The following FLRT2 variants were observed in gnomAD, a reference collection of about 807,000 sequenced individuals.
FLRT2 encodes fibronectin leucine rich transmembrane protein 2.
A neutral mutation model predicts 40.0 loss-of-function variants in FLRT2; 15 were observed. That is an observed-to-expected ratio of 0.38 (90% CI 0.25 to 0.58). The LOEUF is 0.58. FLRT2 is among the 20% of genes least tolerant of loss of function. The probability of loss-of-function intolerance (pLI) is 0.71; values close to 1 mark genes in which losing one functional copy is unlikely to be tolerated. For missense variants in FLRT2, 726 were observed against 840.0 expected (o/e 0.86, Z 1.68); for synonymous variants, 380 against 336.8 (o/e 1.13, Z -1.41).
intron 1 of FLRT2, among the ~76,000 whole-genome samples, chr14:85,581,512 C>T (rs892652416): frequency 6.6e-6 from 1 of 152,188 alleles, no homozygotes; most frequent in Admixed American, 6.5e-5. Context: ...TTCCCTTCCC[C>T]TAGGTTCACA....
At chr14:85,605,063 G>C (rs2139340101) in intron 1 of FLRT2, among the ~76,000 whole-genome samples, 1 of 152,272 alleles carries the variant, frequency 6.6e-6, no homozygotes, top group South Asian at 2.1e-4. Flanking sequence ...AAGTGCCTGG[G>C]TATGGAAGAC....
chr14:85,617,844 A>G (rs548288352), intron 1 of FLRT2, among the ~76,000 whole-genome samples: 1 of 152,320 alleles, frequency 6.6e-6, no homozygotes, highest in East Asian at 1.9e-4. Context: ...GTCATAGCCG[A>G]TCAACACATT....
At chr14:85,578,758 T>G (rs11845459) in intron 1 of FLRT2, among the ~76,000 whole-genome samples, 2,400 of 152,230 alleles carry the variant, frequency 0.016, 56 homozygotes, top group African/African-American at 0.046. Flanking sequence ...TTGCTTCAAA[T>G]TGAATAAATG....
intron 1 of FLRT2, among the ~76,000 whole-genome samples, chr14:85,601,600 C>A (rs373662606): frequency 6.6e-6 from 1 of 152,130 alleles, no homozygotes; most frequent in Non-Finnish European, 1.5e-5. Context: ...GGGTTTGAAC[C>A]CCATCTTTGC....
chr14:85,555,438 G>A (rs1889887387), intron 1 of FLRT2, among the ~76,000 whole-genome samples: 2 of 152,142 alleles, frequency 1.3e-5, no homozygotes, highest in Non-Finnish European at 2.9e-5. Context: ...ATCCTACATG[G>A]CAGCAGACAA....
intron 1 of FLRT2, among the ~76,000 whole-genome samples, chr14:85,546,302 T>C (rs1331995618): frequency 6.6e-6 from 1 of 152,202 alleles, no homozygotes. Flanking sequence ...ATCCATTCCT[T>C]AATTCCTTCA....
At chr14:85,533,694 G>A (rs1888447862) in intron 1 of FLRT2, among the ~76,000 whole-genome samples, 1 of 152,056 alleles carries the variant, frequency 6.6e-6, no homozygotes, top group South Asian at 2.1e-4. Context: ...TGGAGGCGGT[G>A]GTGGCGGAGG....
intron 1 of FLRT2, among the ~76,000 whole-genome samples, chr14:85,579,643 G>T (rs1891297997): frequency 6.6e-6 from 1 of 152,096 alleles, no homozygotes; most frequent in South Asian, 2.1e-4. Context: ...CTTAGCCCAT[G>T]GGGTTGTTTT....
intron 1 of FLRT2, among the ~76,000 whole-genome samples, chr14:85,578,986 C>G (rs1337566012): frequency 1.3e-5 from 2 of 152,208 alleles, no homozygotes; most frequent in African/African-American, 2.4e-5. Flanking sequence ...CTGATCCACC[C>G]CAGCACCCCT....
In FLRT2 at chr14:85,537,837, C is replaced by A. The variant is rs185143890; in HGVS notation, c.-377+7303C>A. On this transcript the variant is annotated intron_variant, in intron 1 of 1. Transcript: ENST00000330753. The stretch of plus-strand genomic sequence containing the variant: ...CATGGTCAAAATCTGTTAGAACCTT[C>A]ATGTTTTGTTTTTTTTTTTTCTTCC... Among the ~76,000 whole-genome samples, 217 of 90,594 alleles carry A rather than the reference C, an allele frequency of 2.4e-3. 1 individual carries two copies. The highest frequency in any genetic ancestry group is 3.2e-3 in the Non-Finnish European group (139 of 43,534). 59.4% of individuals were successfully genotyped at this position (90,594 alleles called of 152,430 possible). A position where few individuals can be genotyped will look rare whatever the true frequency, so the allele number is the denominator to read the frequency against.
At chr14:85,583,801 C>T (rs1856938800) in intron 1 of FLRT2, among the ~76,000 whole-genome samples, 1 of 152,080 alleles carries the variant, frequency 6.6e-6, no homozygotes, top group African/African-American at 2.4e-5. Context: ...TTAAACTAAT[C>T]AGAATCTGAA....
chr14:85,578,456 T>C (rs1215805925), intron 1 of FLRT2, among the ~76,000 whole-genome samples: 1 of 151,880 alleles, frequency 6.6e-6, no homozygotes, highest in Non-Finnish European at 1.5e-5. Context: ...TGAATACTAA[T>C]GGCAGCAATA....
chr14:85,650,884 T>C lies in FLRT2; in HGVS notation c.*27387T>C, dbSNP rs1894415795. On this transcript the variant is annotated 3_prime_UTR_variant, in exon 2 of 2. Coordinates refer to ENST00000330753, the MANE Select transcript of FLRT2 (RefSeq NM_013231.6). ...TTTTAAGAGACAAGGTCTTACCCTG[T>C]CATCCAGGCTAGGATGCAGTAGCAC... is the stretch of plus-strand genomic sequence containing the variant. 1 of 152,068 alleles carries C rather than the reference T, an allele frequency of 6.6e-6. No individual in the cohort carries two copies. Among genetic ancestry groups the C allele is most frequent in the Non-Finnish European group, 1.5e-5 (1 of 68,022 alleles). The allele number at this position is 152,068 out of a possible 1,614,324, so 9.4% of individuals were successfully genotyped here.
rs371569107 is a variant in FLRT2, at chr14:85,561,657, A to G, written c.-377+31123A>G. On this transcript the variant is annotated intron_variant, in intron 1 of 1. Transcript: ENST00000330753. ...GAAATTCTCCCTCCGTTATTACAGC[A>G]AATGATACTGTTGACAGCCAATAAA... is the stretch of plus-strand genomic sequence containing the variant. 7.9e-5 allele frequency among the ~76,000 whole-genome samples: 12 copies of G among 152,366 alleles called. No individual in the cohort carries two copies. The South Asian group carries it at 1.2e-3, about 16-fold the overall frequency.
rs972740851 is a variant in FLRT2, at chr14:85,630,031, G to T, written c.*6534G>T. The T allele has an allele frequency of 6.6e-6, 1 of 152,106 alleles. No homozygotes were observed. The highest frequency in any genetic ancestry group is 2.4e-5 in the African/African-American group (1 of 41,430). 9.4% of individuals were successfully genotyped at this position (152,106 alleles called of 1,614,324 possible). ...GAATTTGTTTCGTACTTGAGATGTTGCTCTAAGTATTTTGTAGATTCCGCT... is the reference window on the plus strand; with the variant it reads ...GAATTTGTTTCGTACTTGAGATGTTTCTCTAAGTATTTTGTAGATTCCGCT... On this transcript the variant is annotated 3_prime_UTR_variant, in exon 2 of 2. Coordinates refer to ENST00000330753, the MANE Select transcript of FLRT2 (RefSeq NM_013231.6).
At chr14:85,581,046 T>C (rs965265966) in intron 1 of FLRT2, among the ~76,000 whole-genome samples, 2 of 152,218 alleles carry the variant, frequency 1.3e-5, no homozygotes, top group Non-Finnish European at 2.9e-5. Context: ...TTCTTTATCT[T>C]GCAACAGGCA....
intron 1 of FLRT2, among the ~76,000 whole-genome samples, chr14:85,555,965 T>G (rs980970292): frequency 6.6e-6 from 1 of 152,128 alleles, no homozygotes; most frequent in Non-Finnish European, 1.5e-5. Flanking sequence ...AAATAAGCAT[T>G]AAGACGTATA....
intron 1 of FLRT2, among the ~76,000 whole-genome samples, chr14:85,545,407 T>C (rs1284234541): frequency 6.6e-6 from 1 of 152,206 alleles, no homozygotes; most frequent in Non-Finnish European, 1.5e-5. Context: ...TTTAGAGTTA[T>C]TATTAATTGT....
chr14:85,541,508 T>C (rs1338940966), intron 1 of FLRT2, among the ~76,000 whole-genome samples: 1 of 152,198 alleles, frequency 6.6e-6, no homozygotes, highest in Non-Finnish European at 1.5e-5. Flanking sequence ...TGGACAGTCT[T>C]ACTCTTTGTC....
Sources: allele counts gnomAD v4.1 joint callset (sites outside exome capture counted in the v4.1 genomes callset), GRCh38; gene constraint gnomAD v4.1.1; transcripts MANE v1.5; gene names NCBI Gene and HGNC (gene_info 2026-07-23, HGNC 2026-07-21).